The following CIB4 variants were observed in gnomAD, a reference collection of about 807,000 sequenced individuals.
The protein encoded by CIB4 is calcium and integrin binding family member 4, also known as calcium and integrin-binding family member 4.
CIB4 carries 25 observed loss-of-function variants against 25.8 expected under a neutral mutation model. That is an observed-to-expected ratio of 0.97 (90% confidence interval 0.71 to 1.35). The LOEUF (loss-of-function observed/expected upper bound fraction) is 1.35. Ranked by LOEUF, CIB4 falls within the 40% of genes most tolerant of loss-of-function variation. The pLI, the probability that CIB4 is intolerant of heterozygous loss-of-function variation, is 0.00. For synonymous variants in CIB4, 75 were observed against 81.4 expected (o/e 0.92, Z 0.42); for missense variants, 235 against 228.2 (o/e 1.03, Z -0.19).
intron 3 of CIB4, among the ~76,000 whole-genome samples, chr2:26,619,056 C>A (rs993042618): frequency 2.0e-5 from 3 of 152,200 alleles, no homozygotes; most frequent in Non-Finnish European, 2.9e-5. Context: ...CCCCCATGAC[C>A]GAACTCGGTG....
intron 4 of CIB4, among the ~76,000 whole-genome samples, chr2:26,589,242 CTTCTCCTTCCTCCTA>C (rs1421909080): frequency 6.7e-6 from 1 of 148,318 alleles, no homozygotes; most frequent in African/African-American, 2.5e-5. Context: ...TCTTCTTCTA[CTTCTCCTTCCTCCTA>C]TTCTCCTTCC....
chr2:26,597,176 C>T (rs1346042692), intron 3 of CIB4, among the ~76,000 whole-genome samples: 1 of 152,150 alleles, frequency 6.6e-6, no homozygotes, highest in East Asian at 1.9e-4. Flanking sequence ...ACAGACTCTT[C>T]TGACCTGTTT....
intron 3 of CIB4, among the ~76,000 whole-genome samples, chr2:26,604,943 A>C (rs1003304249): frequency 2.0e-4 from 31 of 152,354 alleles, no homozygotes; most frequent in South Asian, 6.2e-4. Context: ...GATATTTTAC[A>C]GAACACGCCA....
chr2:26,623,351 T>C (rs1669240233), intron 3 of CIB4: 2 of 213,018 alleles, frequency 9.4e-6, no homozygotes, highest in Non-Finnish European at 2.0e-5. Flanking sequence ...TCAAAATAAA[T>C]AAATAAATAA....
intron 4 of CIB4, among the ~76,000 whole-genome samples, chr2:26,589,087 T>TTCC (rs1491462287): frequency 1.6e-4 from 15 of 93,386 alleles, no homozygotes; most frequent in South Asian, 3.9e-4. Flanking sequence ...CTTCTTCTTC[T>TTCC]TCTTCTTCTT....
At chr2:26,606,126 G>A (rs1002018449) in intron 3 of CIB4, among the ~76,000 whole-genome samples, 1 of 152,200 alleles carries the variant, frequency 6.6e-6, no homozygotes, top group African/African-American at 2.4e-5. Context: ...AGTCCTTGCC[G>A]CAAATGCATC....
In CIB4 at chr2:26,624,401, A is replaced by G. The variant is rs146378380; in HGVS notation, c.186+5009T>C. ...GGCTTCTGCTTTGTCCAGAATCGGA[A>G]AGACACAGAAGGAATCTTTAGTCCT... is the stretch of plus-strand genomic sequence containing the variant. On this transcript the variant is annotated intron_variant, in intron 3 of 6. Coordinates refer to ENST00000288861, the MANE Select transcript of CIB4 (RefSeq NM_001029881.3). 3.3e-3 allele frequency among the ~76,000 whole-genome samples: 498 copies of G among 152,280 alleles called. 3 individuals carry two copies. Among genetic ancestry groups the G allele is most frequent in the African/African-American group, 0.011 (457 of 41,554 alleles).
intron 2 of CIB4, among the ~76,000 whole-genome samples, chr2:26,630,134 A>C (rs1669389387): frequency 6.6e-6 from 1 of 152,194 alleles, no homozygotes; most frequent in Non-Finnish European, 1.5e-5. Flanking sequence ...CATCCCAGTC[A>C]AGAGGATTTT....
rs142982346 is a variant in CIB4, at chr2:26,603,290, A to T, written c.187-7973T>A. 6.6e-5 allele frequency among the ~76,000 whole-genome samples: 10 copies of T among 152,342 alleles called. No individual in the cohort carries two copies. In the East Asian group the frequency reaches 1.9e-3, roughly 29 times the overall value. Reference sequence around the variant, plus strand: ...GGGACCCTGGAGGGGATCCTGACACAGATCAAAAAACATGAGTGGAAAACT... The same window carrying T: ...GGGACCCTGGAGGGGATCCTGACACTGATCAAAAAACATGAGTGGAAAACT... On this transcript the variant is annotated intron_variant, in intron 3 of 6. Transcript: ENST00000288861.
chr2:26,584,843 C>A (rs1188093719), intron 4 of CIB4, among the ~76,000 whole-genome samples: 1 of 152,116 alleles, frequency 6.6e-6, no homozygotes, highest in Non-Finnish European at 1.5e-5. Context: ...AGCACCGGGA[C>A]TTCCCAGACT....
intron 1 of CIB4, among the ~76,000 whole-genome samples, 200 bp downstream of exon 1, chr2:26,641,059 ATT>A (rs199568581): frequency 6.6e-6 from 1 of 151,770 alleles, no homozygotes; most frequent in African/African-American, 2.4e-5. Context: ...TTTTTTCGTG[ATT>A]TTTTTTTATT....
chr2:26,595,356 G>T (rs751779990), intron 3 of CIB4, 39 bp from the exon 4 acceptor site: 1 of 1,595,308 alleles, frequency 6.3e-7, no homozygotes, highest in Non-Finnish European at 8.6e-7. Context: ...GGTCTATCAG[G>T]GTCGGGGCTG....
In CIB4 at chr2:26,589,108, C is replaced by CTCTTCT. The variant is rs1187640015; in HGVS notation, c.329-5216_329-5211dup. Among the ~76,000 whole-genome samples, 42 of 67,812 alleles carry CTCTTCT rather than the reference C, an allele frequency of 6.2e-4. 5 individuals carry two copies. The highest frequency in any genetic ancestry group is 5.1e-3 in the East Asian group (13 of 2,554). 44.5% of individuals were successfully genotyped at this position (67,812 alleles called of 152,430 possible). On this transcript the variant is annotated intron_variant, in intron 4 of 6. Coordinates refer to ENST00000288861, the MANE Select transcript of CIB4 (RefSeq NM_001029881.3). ...CTTCTTCTTCTTCTTCTTCTTCTTC[C>CTCTTCT]TCTTCTTCTTCTTCTTCTTCTTCTT...
chr2:26,621,158 G>A (rs1031651046), intron 3 of CIB4, among the ~76,000 whole-genome samples: 5 of 150,896 alleles, frequency 3.3e-5, no homozygotes, highest in East Asian at 3.9e-4. Context: ...GGTCCTCCGC[G>A]TGCCTCACAC....
intron 4 of CIB4, among the ~76,000 whole-genome samples, chr2:26,584,120 C>G (rs1668406302): frequency 6.6e-6 from 1 of 152,208 alleles, no homozygotes; most frequent in African/African-American, 2.4e-5. Flanking sequence ...GTGTGTACTA[C>G]ATGCTCAGAC....
chr2:26,637,169 A>C (rs1377848700), intron 2 of CIB4, among the ~76,000 whole-genome samples: 20 of 152,122 alleles, frequency 1.3e-4, no homozygotes, highest in Non-Finnish European at 2.9e-4. Flanking sequence ...TGTGGATTGC[A>C]GAGGGAGAGA....
At chr2:26,584,469 C>G (rs1308861664) in intron 4 of CIB4, among the ~76,000 whole-genome samples, 3 of 152,184 alleles carry the variant, frequency 2.0e-5, no homozygotes, top group Non-Finnish European at 4.4e-5. Flanking sequence ...TGTGCCCTCA[C>G]CTCTGCAGTG....
intron 4 of CIB4, among the ~76,000 whole-genome samples, chr2:26,589,080 CTTCT>C (rs1668526200): frequency 1.2e-5 from 1 of 86,410 alleles, no homozygotes; most frequent in African/African-American, 6.8e-5. Flanking sequence ...TCCTCTTCTT[CTTCT>C]TCTTCTTCTT....
chr2:26,589,072 CTCTTCTTCTTCTTCT>C lies in CIB4; in HGVS notation c.329-5189_329-5175del, dbSNP rs1184325583. ...CTTCTTCTTCTTCCTCTTCCTCTTC[CTCTTCTTCTTCTTCT>C]TCTTCTTCTTCTTCTTCTTCCTCTT... is the stretch of plus-strand genomic sequence containing the variant. On this transcript the variant is annotated intron_variant, in intron 4 of 6. Coordinates refer to ENST00000288861, the MANE Select transcript of CIB4 (RefSeq NM_001029881.3). Among the ~76,000 whole-genome samples, 300 of 40,770 alleles carry C rather than the reference CTCTTCTTCTTCTTCT, an allele frequency of 7.4e-3. 19 individuals carry two copies. Among genetic ancestry groups the C allele is most frequent in the African/African-American group, 0.039 (282 of 7,210 alleles). 26.7% of individuals were successfully genotyped at this position (40,770 alleles called of 152,430 possible). A position where few individuals can be genotyped will look rare whatever the true frequency, so the allele number is the denominator to read the frequency against.
Sources: gnomAD v4.1 joint callset for allele counts (sites outside exome capture counted in the v4.1 genomes callset) on GRCh38, gnomAD v4.1.1 for gene constraint, MANE v1.5 for transcripts, NCBI Gene and HGNC (gene_info 2026-07-23, HGNC 2026-07-21) for gene names.